The following BRINP3 variants were observed in gnomAD, a reference collection of about 807,000 sequenced individuals.
The protein encoded by BRINP3 is BMP/retinoic acid inducible neural specific 3, also known as BMP/retinoic acid-inducible neural-specific protein 3.
Under a neutral mutation model 71.0 loss-of-function variants are expected in BRINP3, and 19 were observed. That is an observed-to-expected ratio of 0.27 (90% CI 0.19 to 0.39). BRINP3 has a LOEUF of 0.39. Among genes scored for constraint, BRINP3 ranks in the 10% least tolerant of loss-of-function variants. BRINP3 has a pLI of 1.00. For missense variants in BRINP3, 959 were observed against 940.8 expected, an observed-to-expected ratio of 1.02 and a Z score of -0.25; for synonymous variants, 380 against 337.7, an observed-to-expected ratio of 1.13 and a Z score of -1.37.
chr1:190,281,994 C>T (rs1432884963), intron 2 of BRINP3, among the ~76,000 whole-genome samples: 1 of 151,372 alleles, frequency 6.6e-6, no homozygotes, highest in Non-Finnish European at 1.5e-5. Flanking sequence ...ATTTTTTTCC[C>T]CAAGAAAATA....
At chr1:190,315,503 C>G (rs530451566) in intron 2 of BRINP3, among the ~76,000 whole-genome samples, 6 of 152,116 alleles carry the variant, frequency 3.9e-5, no homozygotes, top group Non-Finnish European at 8.8e-5. Flanking sequence ...GAGACATGCC[C>G]TACCCATAAA....
intron 2 of BRINP3, among the ~76,000 whole-genome samples, chr1:190,445,641 G>A (rs1675167031): frequency 6.6e-6 from 1 of 151,534 alleles, no homozygotes; most frequent in African/African-American, 2.4e-5. Context: ...CTAAAACCCA[G>A]TTTTTTTCCT....
chr1:190,144,026 G>A (rs576519292), intron 7 of BRINP3, among the ~76,000 whole-genome samples: 50 of 152,214 alleles, frequency 3.3e-4, no homozygotes, highest in East Asian at 1.4e-3. Context: ...AAAATGCATA[G>A]GAGAGTATTA....
chr1:190,196,766 T>C (rs1654519323), intron 6 of BRINP3, among the ~76,000 whole-genome samples: 1 of 151,904 alleles, frequency 6.6e-6, no homozygotes, highest in Non-Finnish European at 1.5e-5. Flanking sequence ...AGCCACTGTT[T>C]TTCTGAGATC....
rs949914977 is a variant in BRINP3 at position 190,455,338 on chromosome 1, A to C, written c.-50-398T>G. On this transcript the variant is annotated intron_variant, in intron 1 of 7. Coordinates refer to ENST00000367462, the MANE Select transcript of BRINP3 (RefSeq NM_199051.3). ...TTAATACTAGATTTAATTTTATTGT[A>C]TATTTATCTTAAATAAATGCTTTAA... 5.3e-5 allele frequency among the ~76,000 whole-genome samples: 8 copies of C among 152,302 alleles called. No individual in the cohort carries two copies. In the East Asian group the frequency reaches 1.3e-3, roughly 26 times the overall value.
At chr1:190,205,051 C>G (rs1655376055) in intron 6 of BRINP3, among the ~76,000 whole-genome samples, 1 of 151,828 alleles carries the variant, frequency 6.6e-6, no homozygotes, top group Non-Finnish European at 1.5e-5. Context: ...TCTTCACAAG[C>G]CAGTATGCAG....
chr1:190,276,111 G>C (rs925798079), intron 3 of BRINP3, among the ~76,000 whole-genome samples: 5 of 151,170 alleles, frequency 3.3e-5, no homozygotes, highest in African/African-American at 1.2e-4. Context: ...TCCTAGGATA[G>C]GAATCTTCAA....
At chr1:190,142,259 A>G (rs1311859012) in intron 7 of BRINP3, among the ~76,000 whole-genome samples, 2 of 152,178 alleles carry the variant, frequency 1.3e-5, no homozygotes, top group Admixed American at 1.3e-4. Flanking sequence ...ACATCTCAAT[A>G]AAAATGAACA....
At chr1:190,256,495 T>A (rs1294041797) in intron 4 of BRINP3, among the ~76,000 whole-genome samples, 2 of 152,198 alleles carry the variant, frequency 1.3e-5, no homozygotes, top group East Asian at 3.9e-4. Context: ...TATTTAAGGT[T>A]AATATTGTTA....
At chr1:190,312,355 G>A (rs957137263) in intron 2 of BRINP3, among the ~76,000 whole-genome samples, 1 of 151,328 alleles carries the variant, frequency 6.6e-6, no homozygotes, top group African/African-American at 2.4e-5. Flanking sequence ...ATCAAGAAAA[G>A]TCAAAATACA....
At chr1:190,449,529 A>G (rs1489757162) in intron 2 of BRINP3, among the ~76,000 whole-genome samples, 1 of 152,030 alleles carries the variant, frequency 6.6e-6, no homozygotes, top group Non-Finnish European at 1.5e-5. Context: ...CTGTCATGTA[A>G]TGCAAGTCCA....
intron 2 of BRINP3, among the ~76,000 whole-genome samples, chr1:190,315,016 A>G (rs956449398): frequency 1.3e-5 from 2 of 152,138 alleles, no homozygotes; most frequent in Admixed American, 1.3e-4. Context: ...GTATGTGTTT[A>G]AGACAGGTGA....
intron 6 of BRINP3, among the ~76,000 whole-genome samples, chr1:190,191,222 A>G (rs1654004338): frequency 6.6e-6 from 1 of 152,140 alleles, no homozygotes; most frequent in South Asian, 2.1e-4. Flanking sequence ...AGACTTTAAA[A>G]ACCCCATTTC....
intron 2 of BRINP3, among the ~76,000 whole-genome samples, chr1:190,418,398 T>C (rs1673144728): frequency 6.6e-6 from 1 of 152,172 alleles, no homozygotes; most frequent in South Asian, 2.1e-4. Context: ...ACATTACGTT[T>C]GTGACCCCGT....
chr1:190,346,973 A>G (rs1668062746), intron 2 of BRINP3, among the ~76,000 whole-genome samples: 1 of 152,054 alleles, frequency 6.6e-6, no homozygotes, highest in African/African-American at 2.4e-5. Context: ...ATGATTCATT[A>G]AATCATTTTT....
chr1:190,160,983 TAC>T, intron 6 of BRINP3, 93 bp from the exon 7 acceptor site: 1 of 798,508 alleles, frequency 1.3e-6, no homozygotes, highest in Non-Finnish European at 2.0e-6. Flanking sequence ...CAAATACATA[TAC>T]ACATATATGT....
intron 1 of BRINP3, among the ~76,000 whole-genome samples, chr1:190,473,359 T>C (rs1266250058): frequency 1.3e-5 from 2 of 151,992 alleles, no homozygotes; most frequent in Non-Finnish European, 2.9e-5. Flanking sequence ...TCTTTCTTAT[T>C]TCTTCCAGGT....
At chr1:190,104,250 T>C (rs891348526) in intron 7 of BRINP3, among the ~76,000 whole-genome samples, 2 of 152,094 alleles carry the variant, frequency 1.3e-5, no homozygotes, top group African/African-American at 2.4e-5. Flanking sequence ...ATACACTATA[T>C]TAGCTTGAGA....
chr1:190,140,689 G>A (rs1162418503), intron 7 of BRINP3, among the ~76,000 whole-genome samples: 1 of 152,182 alleles, frequency 6.6e-6, no homozygotes, highest in Non-Finnish European at 1.5e-5. Flanking sequence ...AATTTAGTGA[G>A]ATGAACTGTA....
Sources: gnomAD v4.1 joint callset for allele counts (sites outside exome capture counted in the v4.1 genomes callset) on GRCh38, gnomAD v4.1.1 for gene constraint, MANE v1.5 for transcripts, NCBI Gene and HGNC (gene_info 2026-07-23, HGNC 2026-07-21) for gene names.